The following MAP6 variants were observed in gnomAD, a reference collection of about 807,000 sequenced individuals.
MAP6 encodes the protein microtubule-associated protein 6.
Under a neutral mutation model 42.4 loss-of-function variants are expected in MAP6, and 26 were observed. That is an observed-to-expected ratio of 0.61 (90% CI 0.45 to 0.85). The LOEUF (loss-of-function observed/expected upper bound fraction) is 0.85. MAP6 is among the 40% of genes least tolerant of loss of function. The pLI is 0.00. For missense variants in MAP6, 966 were observed against 1,099.0 expected (o/e 0.88, Z 1.71); for synonymous variants, 418 against 443.8 (o/e 0.94, Z 0.73).
chr11:75,634,708 T>A (rs1048475480), intron 1 of MAP6, among the ~76,000 whole-genome samples: 1 of 152,186 alleles, frequency 6.6e-6, no homozygotes, highest in Non-Finnish European at 1.5e-5. Flanking sequence ...GGAAACGGGC[T>A]CTTCAGATGA....
chr11:75,664,234 T>C (rs1038578233), intron 1 of MAP6, among the ~76,000 whole-genome samples: 8 of 152,254 alleles, frequency 5.3e-5, no homozygotes, highest in Non-Finnish European at 1.2e-4. Context: ...AACTCATGTT[T>C]GTGAATAATC....
intron 3 of MAP6, chr11:75,603,985 A>C (rs1942712609): frequency 1.1e-5 from 11 of 985,834 alleles, no homozygotes; most frequent in Non-Finnish European, 1.3e-5. Context: ...CTAAATGTTA[A>C]GATTAGCTGG....
chr11:75,593,836 GAC>G (rs1942525591), intron 3 of MAP6, among the ~76,000 whole-genome samples: 1 of 152,222 alleles, frequency 6.6e-6, no homozygotes, highest in African/African-American at 2.4e-5. Context: ...CTGCTATAGA[GAC>G]AGTGCACTGA....
intron 3 of MAP6, among the ~76,000 whole-genome samples, chr11:75,601,003 T>G (rs1179015046): frequency 6.6e-6 from 1 of 152,186 alleles, no homozygotes; most frequent in African/African-American, 2.4e-5. Context: ...AGGGAGGTAA[T>G]GTGAGTGATG....
chr11:75,624,961 G>A (rs1683844957), intron 1 of MAP6, among the ~76,000 whole-genome samples: 1 of 152,146 alleles, frequency 6.6e-6, no homozygotes, highest in African/African-American at 2.4e-5. Context: ...GATGTGAACT[G>A]GCCTCTAACA....
rs147340608 is a variant in MAP6, at chr11:75,587,977, A to G, written c.1524T>C (p.Asp508=). 868 of 1,614,028 alleles carry G rather than the reference A, an allele frequency of 5.4e-4. 1 individual carries two copies. The highest frequency in any genetic ancestry group is 5.2e-4 in the Non-Finnish European group (609 of 1,180,024). ...TCTTTAAAGGCTCAGGGACCGTGTG[A>G]TCTTGATCCTTGACTGGTAATGGGA... The part of the protein sequence containing the change: ...PMIPLPVKDQ[D]HTVPEPLKNE... Residue 508 remains aspartate (D), a synonymous_variant, in exon 4 of 4, where the codon GAT becomes GAC. Coordinates refer to ENST00000304771, the MANE Select transcript of MAP6 (RefSeq NM_033063.2).
chr11:75,647,787 T>G (rs1204845545), intron 1 of MAP6, among the ~76,000 whole-genome samples: 1 of 152,232 alleles, frequency 6.6e-6, no homozygotes, highest in Non-Finnish European at 1.5e-5. Flanking sequence ...AGTATTTTTT[T>G]GCAGTACTTG....
intron 1 of MAP6, among the ~76,000 whole-genome samples, chr11:75,659,763 C>T (rs1943811358): frequency 6.6e-6 from 1 of 152,172 alleles, no homozygotes; most frequent in Non-Finnish European, 1.5e-5. Context: ...GTAGAGATAG[C>T]TCCTTAATCT....
chr11:75,599,457 G>A (rs1942632019), intron 3 of MAP6, among the ~76,000 whole-genome samples: 1 of 152,218 alleles, frequency 6.6e-6, no homozygotes, highest in Non-Finnish European at 1.5e-5. Context: ...TCTGCATTTA[G>A]TAACCTACAT....
In MAP6 at chr11:75,606,006, T is replaced by C; in HGVS notation, c.1120-2A>G. 6.2e-7 allele frequency: 1 copy of C among 1,613,268 alleles called. No individual in the cohort carries two copies. The highest frequency in any genetic ancestry group is 1.7e-5 in the Admixed American group (1 of 59,996). ...ACTCTGAACACTAGGTTTTTCCACC[T>C]GTACGGAGAGACAGACCGCAAATAC... is the stretch of plus-strand genomic sequence containing the variant. On this transcript the variant is annotated splice_acceptor_variant, in intron 2 of 3. Transcript: ENST00000304771. LOFTEE classifies it high-confidence loss of function.
chr11:75,634,228 T>G (rs1351321737), intron 1 of MAP6, among the ~76,000 whole-genome samples: 1 of 152,214 alleles, frequency 6.6e-6, no homozygotes, highest in Non-Finnish European at 1.5e-5. Flanking sequence ...TATTCTACTT[T>G]ATGGAAGTGG....
chr11:75,656,896 A>C (rs1943757991), intron 1 of MAP6, among the ~76,000 whole-genome samples: 1 of 152,188 alleles, frequency 6.6e-6, no homozygotes, highest in Non-Finnish European at 1.5e-5. Context: ...CAAGATATAG[A>C]ACATTTCCAA....
At chr11:75,604,079 C>G (rs1040893708) in intron 3 of MAP6, 3 of 985,878 alleles carry the variant, frequency 3.0e-6, no homozygotes, top group Admixed American at 6.1e-5. Context: ...CACGGAGACC[C>G]ACCAGCATTT....
intron 1 of MAP6, among the ~76,000 whole-genome samples, chr11:75,653,027 A>C (rs1943675976): frequency 6.6e-6 from 1 of 151,566 alleles, no homozygotes; most frequent in Non-Finnish European, 1.5e-5. Flanking sequence ...ATGATGCCTC[A>C]TTTTTTTCTC....
In MAP6 at chr11:75,668,296, G is replaced by T; in HGVS notation, c.74C>A (p.Ala25Asp). ...GTACTTGGTGAAAACCAGCGGCACAGCGATGTCCGCTTTGTCCAACTGGTT... is the reference window on the plus strand; with the variant it reads ...GTACTTGGTGAAAACCAGCGGCACATCGATGTCCGCTTTGTCCAACTGGTT... ...FWNQLDKADI[A>D]VPLVFTKYSE... Residue 25 changes from alanine to aspartate, a missense_variant, in exon 1 of 4, where the codon GCT becomes GAT. By Grantham distance (126) the Ala-to-Asp change is moderately radical. Coordinates refer to ENST00000304771, the MANE Select transcript of MAP6 (RefSeq NM_033063.2). 1.3e-6 allele frequency: 2 copies of T among 1,570,404 alleles called. No homozygotes were observed. The highest frequency in any genetic ancestry group is 1.1e-5 in the South Asian group (1 of 89,464).
At chr11:75,588,942 T>C (rs1223514407) in intron 3 of MAP6, among the ~76,000 whole-genome samples, 1 of 152,190 alleles carries the variant, frequency 6.6e-6, no homozygotes, top group Non-Finnish European at 1.5e-5. Flanking sequence ...CTCAGCCTCC[T>C]GAATAGCTGG....
At chr11:75,606,343 C>T (rs996271536) in intron 2 of MAP6, among the ~76,000 whole-genome samples, 2 of 152,168 alleles carry the variant, frequency 1.3e-5, no homozygotes, top group African/African-American at 4.8e-5. Context: ...TTGCTCAACT[C>T]ACCCACAGGC....
At position 75,668,394 on chromosome 11, in the gene MAP6, C is replaced by T. The variant is rs769905933; in HGVS notation, c.-25G>A. 1.9e-6 allele frequency: 3 copies of T among 1,563,146 alleles called. No individual in the cohort carries two copies. In the South Asian group the frequency reaches 3.4e-5, roughly 18 times the overall value. On this transcript the variant is annotated 5_prime_UTR_variant, in exon 1 of 4. Transcript: ENST00000304771. ...TGATGCTAGCTGAAAAGCCGGCCTC[C>T]TCTTTCTTCTTGTGGTTCTAAAGCA...
At chr11:75,589,923 T>G (rs2135569654) in intron 3 of MAP6, among the ~76,000 whole-genome samples, 1 of 152,338 alleles carries the variant, frequency 6.6e-6, no homozygotes, top group East Asian at 1.9e-4. Flanking sequence ...ACCCAGGGAC[T>G]GGTATTTCTC....
Sources: allele counts gnomAD v4.1 joint callset (sites outside exome capture counted in the v4.1 genomes callset), GRCh38; gene constraint gnomAD v4.1.1; transcripts MANE v1.5; gene names NCBI Gene and HGNC (gene_info 2026-07-23, HGNC 2026-07-21).